The following ADGRG2 variants were observed in gnomAD, a reference collection of about 807,000 sequenced individuals.
The protein encoded by ADGRG2 is G protein-coupled receptor 64.
A neutral mutation model predicts 74.1 loss-of-function variants in ADGRG2; 26 were observed. That is an observed-to-expected ratio of 0.35 (90% CI 0.26 to 0.49). ADGRG2 has a LOEUF of 0.49. Among genes scored for constraint, ADGRG2 ranks in the 20% least tolerant of loss-of-function variants. ADGRG2 has a pLI of 0.99. For synonymous variants in ADGRG2, 296 were observed against 295.2 expected, an observed-to-expected ratio of 1.00 and a Z score of -0.03; for missense variants, 619 against 763.1, an observed-to-expected ratio of 0.81 and a Z score of 2.22.
chrX:19,097,473 TGCACTTTAGC>T (rs1187085585), intron 1 of ADGRG2, among the ~76,000 whole-genome samples: 1 of 112,432 alleles, frequency 8.9e-6, no homozygotes, highest in Non-Finnish European at 1.9e-5. Flanking sequence ...ATAGCGCCAC[TGCACTTTAGC>T]CTGAGCAACA....
intron 2 of ADGRG2, among the ~76,000 whole-genome samples, chrX:19,077,817 TG>T (rs1437568787): frequency 5.7e-4 from 64 of 112,420 alleles, no homozygotes; most frequent in African/African-American, 2.0e-3. Flanking sequence ...GATTCAATTC[TG>T]AATTGAAGAC....
intron 1 of ADGRG2, among the ~76,000 whole-genome samples, chrX:19,110,714 A>T (rs944907911): frequency 7.0e-4 from 77 of 110,216 alleles, no homozygotes; most frequent in Non-Finnish European, 1.2e-3. Context: ...AACAAAAAAA[A>T]AAAACAAAAA....
chrX:19,080,361 TC>T (rs996823788), intron 2 of ADGRG2, among the ~76,000 whole-genome samples: 1 of 111,089 alleles, frequency 9.0e-6, no homozygotes, highest in Non-Finnish European at 1.9e-5. Context: ...TTCTTCAGGG[TC>T]TGCCCCCAAT....
At position 19,069,178 on chromosome X, in the gene ADGRG2, T is replaced by A. The variant is rs2061612165; in HGVS notation, c.-1-343A>T. ...ACAGAATCTTTTCAATAATTATCCT[T>A]CTCTATGTCATTTTTCCTTAAAAAA... On this transcript the variant is annotated intron_variant, in intron 2 of 28. Coordinates refer to ENST00000379869, the MANE Select transcript of ADGRG2 (RefSeq NM_001079858.3). 3.6e-5 allele frequency among the ~76,000 whole-genome samples: 4 copies of A among 111,860 alleles called. No individual in the cohort carries two copies. The South Asian group carries it at 1.5e-3, about 42-fold the overall frequency.
chrX:18,997,860 G>T (rs920963952), intron 26 of ADGRG2, among the ~76,000 whole-genome samples: 11 of 112,252 alleles, frequency 9.8e-5, no homozygotes, highest in African/African-American at 3.6e-4. Flanking sequence ...CAATTAAAAG[G>T]CATCCCCAAA....
intron 3 of ADGRG2, among the ~76,000 whole-genome samples, chrX:19,051,013 G>A (rs907133489): frequency 6.3e-5 from 7 of 111,864 alleles, no homozygotes; most frequent in African/African-American, 2.3e-4. Context: ...AGACTGCTGC[G>A]TGGTGATACG....
chrX:19,001,245 A>G (rs1238520315), intron 24 of ADGRG2, among the ~76,000 whole-genome samples: 1 of 110,629 alleles, frequency 9.0e-6, no homozygotes, highest in Non-Finnish European at 1.9e-5. Context: ...CAGAGAAGGT[A>G]CCATGAGAAG....
intron 3 of ADGRG2, among the ~76,000 whole-genome samples, chrX:19,046,884 T>G (rs1010615090): frequency 1.8e-5 from 2 of 111,005 alleles, no homozygotes; most frequent in Non-Finnish European, 3.8e-5. Flanking sequence ...CCTCTTGCAC[T>G]CCAATCTCCT....
At chrX:19,115,612 G>A (rs1283199245) in intron 1 of ADGRG2, among the ~76,000 whole-genome samples, 2 of 111,056 alleles carry the variant, frequency 1.8e-5, no homozygotes, top group Admixed American at 9.6e-5. Context: ...GTTTGGAGAA[G>A]TTGAGAATAG....
At chrX:19,079,782 G>A (rs1022349191) in intron 2 of ADGRG2, among the ~76,000 whole-genome samples, 25 of 112,229 alleles carry the variant, frequency 2.2e-4, no homozygotes, top group Non-Finnish European at 4.3e-4. Context: ...GCAGAAAAAG[G>A]AAGCTTTATT....
intron 3 of ADGRG2, among the ~76,000 whole-genome samples, chrX:19,050,403 C>T (rs1174860620): frequency 8.9e-6 from 1 of 111,895 alleles, no homozygotes; most frequent in African/African-American, 3.2e-5. Flanking sequence ...AGACAGAAGT[C>T]TGCGAGCATA....
rs757582190 is a variant in ADGRG2 at position 19,055,720 on chromosome X, C to T, written c.118+12997G>A. 2.8e-5 allele frequency among the ~76,000 whole-genome samples: 3 copies of T among 108,055 alleles called. No individual in the cohort carries two copies. In the East Asian group the frequency reaches 8.6e-4, roughly 31 times the overall value. 93.8% of individuals were successfully genotyped at this position (108,055 alleles called of 115,157 possible). A position where few individuals can be genotyped will look rare whatever the true frequency, so the allele number is the denominator to read the frequency against. Reference sequence around the variant, plus strand: ...GGGAAAGAGAGAGAGTGATGGGAATCAGGTGGGAGATTTTTTTTTTTTTTT... The same window carrying T: ...GGGAAAGAGAGAGAGTGATGGGAATTAGGTGGGAGATTTTTTTTTTTTTTT... On this transcript the variant is annotated intron_variant, in intron 3 of 28. Coordinates refer to ENST00000379869, the MANE Select transcript of ADGRG2 (RefSeq NM_001079858.3).
chrX:19,087,135 G>A (rs1162848450), intron 1 of ADGRG2, among the ~76,000 whole-genome samples: 1 of 111,928 alleles, frequency 8.9e-6, no homozygotes, highest in Non-Finnish European at 1.9e-5. Flanking sequence ...CCCCAGTACT[G>A]ATCAGACCCT....
At chrX:18,993,990 G>A (rs2059970259) in intron 28 of ADGRG2, among the ~76,000 whole-genome samples, 1 of 112,107 alleles carries the variant, frequency 8.9e-6, no homozygotes, top group Non-Finnish European at 1.9e-5. Context: ...TGTAACAGAA[G>A]TTTTAGCTAG....
At chrX:19,057,782 G>A (rs777192709) in intron 3 of ADGRG2, among the ~76,000 whole-genome samples, 52 of 111,639 alleles carry the variant, frequency 4.7e-4, no homozygotes, top group African/African-American at 1.7e-3. Flanking sequence ...AGAGACTGCA[G>A]TGAGCTATGA....
At position 19,098,977 on chromosome X, in the gene ADGRG2, G is replaced by A. The variant is rs147097384; in HGVS notation, c.-46-16231C>T. On this transcript the variant is annotated intron_variant, in intron 1 of 28. Transcript: ENST00000379869. The stretch of plus-strand genomic sequence containing the variant: ...AGGCAGGTAGATCACTTGAGGTCAG[G>A]AGTTCGAGACCAGCCTGGCTAACAT... 4.6e-4 allele frequency among the ~76,000 whole-genome samples: 52 copies of A among 112,192 alleles called. 1 individual carries two copies. In the East Asian group the frequency reaches 0.013, roughly 27 times the overall value.
At chrX:19,112,756 G>A (rs1281684099) in intron 1 of ADGRG2, among the ~76,000 whole-genome samples, 3 of 108,043 alleles carry the variant, frequency 2.8e-5, no homozygotes, top group African/African-American at 6.8e-5. Flanking sequence ...TCAAGAGATC[G>A]AGACCATCCT....
chrX:19,047,443 G>A (rs1309942214), intron 3 of ADGRG2, among the ~76,000 whole-genome samples: 9 of 111,680 alleles, frequency 8.1e-5, no homozygotes, highest in Non-Finnish European at 1.5e-4. Context: ...TTGACACCGT[G>A]GTAGATATTA....
At chrX:19,023,365 T>C in intron 13 of ADGRG2, 51 bp downstream of exon 13, 1 of 789,826 alleles carries the variant, frequency 1.3e-6, no homozygotes, top group Non-Finnish European at 1.8e-6. Context: ...TAATACTTTA[T>C]TTCTCATAAA....
Sources: gnomAD v4.1 joint callset for allele counts (sites outside exome capture counted in the v4.1 genomes callset) on GRCh38, gnomAD v4.1.1 for gene constraint, MANE v1.5 for transcripts, NCBI Gene and HGNC (gene_info 2026-07-23, HGNC 2026-07-21) for gene names.